Variants in XKR4 observed in about 807,000 individuals in gnomAD.
XKR4 encodes the protein XK-related protein 4.
XKR4 carries 12 observed loss-of-function variants against 53.9 expected under a neutral mutation model. That is an observed-to-expected ratio of 0.22 (90% confidence interval 0.14 to 0.36). The LOEUF (loss-of-function observed/expected upper bound fraction) is 0.36. Among genes scored for constraint, XKR4 ranks in the 10% least tolerant of loss-of-function variants. The probability of loss-of-function intolerance (pLI) is 1.00; values close to 1 mark genes in which losing one functional copy is unlikely to be tolerated. For missense variants in XKR4, 799 were observed against 859.5 expected, an observed-to-expected ratio of 0.93 and a Z score of 0.88; for synonymous variants, 354 against 362.4, an observed-to-expected ratio of 0.98 and a Z score of 0.26.
At chr8:55,378,608 T>C (rs1046472759) in intron 2 of XKR4, among the ~76,000 whole-genome samples, 20 of 152,214 alleles carry the variant, frequency 1.3e-4, no homozygotes, top group African/African-American at 4.1e-4. Context: ...ATTTAATTTC[T>C]TAAGTGGAAG....
intron 1 of XKR4, among the ~76,000 whole-genome samples, chr8:55,152,810 A>C (rs1456970996): frequency 2.6e-5 from 4 of 152,212 alleles, no homozygotes; most frequent in African/African-American, 9.6e-5. Flanking sequence ...TGAGATACTG[A>C]AATCCAATTT....
intron 2 of XKR4, chr8:55,451,606 A>G (rs1805447349): frequency 6.9e-7 from 1 of 1,451,970 alleles, no homozygotes; most frequent in Non-Finnish European, 9.4e-7. Flanking sequence ...GACAACGGTG[A>G]AGCGGTTCTG....
intron 1 of XKR4, among the ~76,000 whole-genome samples, chr8:55,137,783 G>C (rs924190414): frequency 6.6e-6 from 1 of 151,852 alleles, no homozygotes; most frequent in African/African-American, 2.4e-5. Flanking sequence ...TTCTGCCCAG[G>C]CTGGTCTCAA....
chr8:55,443,751 G>C (rs1056197985), intron 2 of XKR4, among the ~76,000 whole-genome samples: 1 of 148,478 alleles, frequency 6.7e-6, no homozygotes, highest in South Asian at 2.1e-4. Flanking sequence ...TGAGGCAAGG[G>C]AATCACTTGA....
At chr8:55,143,780 A>C (rs1816736102) in intron 1 of XKR4, among the ~76,000 whole-genome samples, 1 of 152,196 alleles carries the variant, frequency 6.6e-6, no homozygotes, top group Non-Finnish European at 1.5e-5. Flanking sequence ...TTCTACAGAC[A>C]AGTGTGGGTT....
At chr8:55,240,290 G>A (rs1818193396) in intron 1 of XKR4, among the ~76,000 whole-genome samples, 1 of 152,042 alleles carries the variant, frequency 6.6e-6, no homozygotes, top group African/African-American at 2.4e-5. Flanking sequence ...AAATACATAA[G>A]AAGCTAAATG....
chr8:55,289,739 A>AAGAAAG lies in XKR4; in HGVS notation c.807-67934_807-67933insGAGAAA, dbSNP rs1818974317. Among the ~76,000 whole-genome samples, 3 of 13,844 alleles carry AAGAAAG rather than the reference A, an allele frequency of 2.2e-4. No homozygotes were observed. The Non-Finnish European group carries it at 4.7e-3, about 22-fold the overall frequency. 9.1% of individuals were successfully genotyped at this position (13,844 alleles called of 152,430 possible). On this transcript the variant is annotated intron_variant, in intron 1 of 2. Transcript: ENST00000327381. ...AGAGAGAAAGAGAAAGAAAGAAAGA[A>AAGAAAG]AGAAAAAGAAAGAAAGAAAGAGAGA...
At chr8:55,390,399 T>C (rs1255359545) in intron 2 of XKR4, among the ~76,000 whole-genome samples, 2 of 152,232 alleles carry the variant, frequency 1.3e-5, no homozygotes, top group Non-Finnish European at 2.9e-5. Context: ...ATTAGAAGAC[T>C]CTGAAAAGGG....
intron 2 of XKR4, among the ~76,000 whole-genome samples, chr8:55,443,668 C>A (rs2129395197): frequency 6.7e-6 from 1 of 150,008 alleles, no homozygotes; most frequent in Middle Eastern, 3.5e-3. Context: ...AAGGTGAAAC[C>A]CCGTCTCTAC....
In XKR4 at chr8:55,527,919, C is replaced by T. The variant is rs773619619; in HGVS notation, c.*3692C>T. The T allele has an allele frequency of 6.6e-6, 1 of 152,070 alleles. No homozygotes were observed. The highest frequency in any genetic ancestry group is 6.6e-5 in the Admixed American group (1 of 15,264). 9.4% of individuals were successfully genotyped at this position (152,070 alleles called of 1,614,324 possible). ...ATGAGAATAGTTGAAAACTCAATGG[C>T]TGTTTTTTAAAAATGATATGTGCCT... is the stretch of plus-strand genomic sequence containing the variant. On this transcript the variant is annotated 3_prime_UTR_variant, in exon 3 of 3. Coordinates refer to ENST00000327381, the MANE Select transcript of XKR4 (RefSeq NM_052898.2).
At chr8:55,311,586 G>C (rs1325950717) in intron 1 of XKR4, among the ~76,000 whole-genome samples, 1 of 152,154 alleles carries the variant, frequency 6.6e-6, no homozygotes, top group Middle Eastern at 3.4e-3. Flanking sequence ...AACACAGTTT[G>C]TTACAGACAA....
intron 2 of XKR4, chr8:55,449,435 G>A: frequency 1.4e-6 from 1 of 731,924 alleles, no homozygotes; most frequent in Non-Finnish European, 2.4e-6. Flanking sequence ...CTGTAAACAT[G>A]GCCAGGGCTG....
chr8:55,133,532 A>G (rs1168045292), intron 1 of XKR4, among the ~76,000 whole-genome samples: 1 of 152,158 alleles, frequency 6.6e-6, no homozygotes, highest in African/African-American at 2.4e-5. Context: ...TTGGGTGCTG[A>G]GGTATCTCGT....
At chr8:55,393,546 A>C (rs1804474792) in intron 2 of XKR4, among the ~76,000 whole-genome samples, 2 of 152,202 alleles carry the variant, frequency 1.3e-5, no homozygotes, top group South Asian at 4.1e-4. Context: ...TTATTATACT[A>C]ACCTTTCTGC....
At chr8:55,352,943 G>T (rs559978102) in intron 1 of XKR4, among the ~76,000 whole-genome samples, 6 of 152,208 alleles carry the variant, frequency 3.9e-5, no homozygotes, top group Non-Finnish European at 7.3e-5. Context: ...CTTAATGGAT[G>T]GAAGTGTCTC....
At chr8:55,302,277 G>C (rs1475959133) in intron 1 of XKR4, among the ~76,000 whole-genome samples, 9 of 152,086 alleles carry the variant, frequency 5.9e-5, no homozygotes, top group African/African-American at 1.2e-4. Flanking sequence ...TCTTGTTTTT[G>C]TCAGGTTTGT....
intron 2 of XKR4, among the ~76,000 whole-genome samples, chr8:55,414,320 G>A (rs1007409648): frequency 2.6e-5 from 4 of 152,062 alleles, no homozygotes; most frequent in Non-Finnish European, 5.9e-5. Flanking sequence ...CTTCTTGCAA[G>A]GCGCATTCCT....
At chr8:55,403,436 T>A (rs748987954) in intron 2 of XKR4, among the ~76,000 whole-genome samples, 4 of 152,228 alleles carry the variant, frequency 2.6e-5, no homozygotes, top group Non-Finnish European at 4.4e-5. Flanking sequence ...TCAAACTATG[T>A]TTTTTAGGCA....
At chr8:55,124,534 T>C (rs373470924) in intron 1 of XKR4, among the ~76,000 whole-genome samples, 2 of 152,192 alleles carry the variant, frequency 1.3e-5, no homozygotes, top group East Asian at 3.9e-4. Flanking sequence ...ATTTTTAATC[T>C]TTTCCATTAA....
Sources: allele counts gnomAD v4.1 joint callset (sites outside exome capture counted in the v4.1 genomes callset), GRCh38; gene constraint gnomAD v4.1.1; transcripts MANE v1.5; gene names NCBI Gene and HGNC (gene_info 2026-07-23, HGNC 2026-07-21).